The following NPAS3 variants were observed in gnomAD, a reference collection of about 807,000 sequenced individuals.
NPAS3 encodes neuronal PAS domain protein 3.
A neutral mutation model predicts 73.1 loss-of-function variants in NPAS3; 14 were observed. That is an observed-to-expected ratio of 0.19 (90% CI 0.13 to 0.30). The LOEUF (loss-of-function observed/expected upper bound fraction) is 0.30. Among genes scored for constraint, NPAS3 ranks in the 10% least tolerant of loss-of-function variants. NPAS3 has a pLI of 1.00. For synonymous variants in NPAS3, 620 were observed against 541.5 expected, an observed-to-expected ratio of 1.14 and a Z score of -2.01; for missense variants, 1,096 against 1,250.0, an observed-to-expected ratio of 0.88 and a Z score of 1.86.
At chr14:33,216,950 A>G (rs1384400260) in intron 3 of NPAS3, among the ~76,000 whole-genome samples, 1 of 152,176 alleles carries the variant, frequency 6.6e-6, no homozygotes, top group Non-Finnish European at 1.5e-5. Context: ...ATAACACACC[A>G]ATTCATGTTC....
chr14:33,053,815 A>C (rs960128377), intron 1 of NPAS3, among the ~76,000 whole-genome samples: 3 of 152,164 alleles, frequency 2.0e-5, no homozygotes, highest in African/African-American at 7.2e-5. Context: ...CTCTCTACCC[A>C]AAACCTTTTC....
chr14:33,594,519 A>G (rs2057173221), intron 5 of NPAS3, among the ~76,000 whole-genome samples: 2 of 152,188 alleles, frequency 1.3e-5, no homozygotes, highest in African/African-American at 2.4e-5. Flanking sequence ...CCTGTGCACA[A>G]CTTTCTGCGT....
chr14:33,745,571 C>T (rs552518418), intron 7 of NPAS3, among the ~76,000 whole-genome samples: 31 of 152,290 alleles, frequency 2.0e-4, no homozygotes, highest in Non-Finnish European at 3.1e-4. Context: ...TGAACACATA[C>T]AATCCATGTC....
intron 2 of NPAS3, among the ~76,000 whole-genome samples, chr14:33,119,086 G>A (rs951586239): frequency 6.6e-6 from 1 of 151,820 alleles, no homozygotes; most frequent in Non-Finnish European, 1.5e-5. Flanking sequence ...AAACATCTTA[G>A]TAAAGTATTA....
chr14:33,127,072 T>A (rs1447427257), intron 2 of NPAS3, among the ~76,000 whole-genome samples: 1 of 150,722 alleles, frequency 6.6e-6, no homozygotes, highest in Non-Finnish European at 1.5e-5. Flanking sequence ...ATTTTTTTCA[T>A]TTATTGTTCC....
intron 2 of NPAS3, among the ~76,000 whole-genome samples, chr14:33,084,130 A>G (rs2041948015): frequency 6.6e-6 from 1 of 152,220 alleles, no homozygotes; most frequent in African/African-American, 2.4e-5. Flanking sequence ...AAATAAAAAT[A>G]GTCTATTTCC....
chr14:33,703,099 G>A (rs907907644), intron 6 of NPAS3, among the ~76,000 whole-genome samples: 3 of 152,158 alleles, frequency 2.0e-5, no homozygotes, highest in Non-Finnish European at 2.9e-5. Context: ...GGTGGGGGAA[G>A]AGGATTGGGG....
intron 4 of NPAS3, among the ~76,000 whole-genome samples, chr14:33,539,901 T>C (rs1002437928): frequency 7.9e-5 from 12 of 152,208 alleles, no homozygotes. Context: ...TGTGTACTAA[T>C]TCCCCTAAAC....
At chr14:33,580,587 A>G (rs1211989167) in intron 5 of NPAS3, among the ~76,000 whole-genome samples, 1 of 152,198 alleles carries the variant, frequency 6.6e-6, no homozygotes, top group Non-Finnish European at 1.5e-5. Context: ...CCCCGGGGCA[A>G]TGCAGAACCA....
chr14:33,419,958 C>CT (rs1566886734), intron 4 of NPAS3, among the ~76,000 whole-genome samples: 1 of 151,838 alleles, frequency 6.6e-6, no homozygotes, highest in African/African-American at 2.4e-5. Flanking sequence ...TTCCAAGTTA[C>CT]TTTTTTTGAA....
chr14:33,253,869 G>T (rs2048677988), intron 3 of NPAS3, among the ~76,000 whole-genome samples: 1 of 151,894 alleles, frequency 6.6e-6, no homozygotes, highest in South Asian at 2.1e-4. Flanking sequence ...GCCTCGATCT[G>T]CCATAGGCTT....
chr14:33,359,663 G>T (rs1046023888), intron 3 of NPAS3, among the ~76,000 whole-genome samples: 1 of 152,052 alleles, frequency 6.6e-6, no homozygotes, highest in African/African-American at 2.4e-5. Flanking sequence ...AAATTTAACT[G>T]CTCAAAAAAA....
At chr14:33,062,695 G>C (rs769375127) in intron 2 of NPAS3, among the ~76,000 whole-genome samples, 1 of 152,246 alleles carries the variant, frequency 6.6e-6, no homozygotes, top group Non-Finnish European at 1.5e-5. Flanking sequence ...AAGATGAGAG[G>C]TGTAGCACCA....
At chr14:33,535,223 C>T (rs1363170413) in intron 4 of NPAS3, among the ~76,000 whole-genome samples, 1 of 152,054 alleles carries the variant, frequency 6.6e-6, no homozygotes, top group Admixed American at 6.6e-5. Flanking sequence ...GGATGGGGAC[C>T]TCACAGTAAT....
chr14:33,205,803 G>T (rs539123455), intron 2 of NPAS3, among the ~76,000 whole-genome samples: 1 of 152,322 alleles, frequency 6.6e-6, no homozygotes, highest in Non-Finnish European at 1.5e-5. Context: ...ACTTGTCAAA[G>T]CACGCTTTCT....
At chr14:33,428,699 G>A (rs577346399) in intron 4 of NPAS3, among the ~76,000 whole-genome samples, 12 of 152,270 alleles carry the variant, frequency 7.9e-5, no homozygotes, top group African/African-American at 1.9e-4. Context: ...AAGGGTGGAC[G>A]TCAGATCATT....
intron 2 of NPAS3, among the ~76,000 whole-genome samples, chr14:33,092,555 A>G (rs1487037809): frequency 6.6e-6 from 1 of 152,240 alleles, no homozygotes; most frequent in Non-Finnish European, 1.5e-5. Context: ...AAGGTAATTT[A>G]TAGATTCAAT....
chr14:33,319,909 A>AC (rs1252794310), intron 3 of NPAS3, among the ~76,000 whole-genome samples: 1 of 152,174 alleles, frequency 6.6e-6, no homozygotes, highest in Admixed American at 6.5e-5. Context: ...AGTTCATGGC[A>AC]CGTGGTAGGT....
chr14:33,595,222 T>C (rs2057198983), intron 5 of NPAS3, among the ~76,000 whole-genome samples: 1 of 152,228 alleles, frequency 6.6e-6, no homozygotes, highest in African/African-American at 2.4e-5. Flanking sequence ...GTAAAATATA[T>C]GCCTTATGCC....
Sources: gnomAD v4.1 joint callset for allele counts (sites outside exome capture counted in the v4.1 genomes callset) on GRCh38, gnomAD v4.1.1 for gene constraint, MANE v1.5 for transcripts, NCBI Gene and HGNC (gene_info 2026-07-23, HGNC 2026-07-21) for gene names.